Variants in ATRN observed in about 807,000 individuals in gnomAD.
The protein encoded by ATRN is attractin-2.
Under a neutral mutation model 178.7 loss-of-function variants are expected in ATRN, and 54 were observed. The ratio of observed to expected loss-of-function variants is 0.30; its 90% CI spans 0.24 to 0.38. ATRN has a LOEUF of 0.38. Among genes scored for constraint, ATRN ranks in the 10% least tolerant of loss-of-function variants. ATRN has a pLI of 1.00. For missense variants in ATRN, 1,443 were observed against 1,815.1 expected (o/e 0.79, Z 3.73); for synonymous variants, 636 against 663.0 (o/e 0.96, Z 0.63).
intron 28 of ATRN, among the ~76,000 whole-genome samples, chr20:3,646,469 A>AT (rs1350635030): frequency 6.6e-6 from 1 of 152,152 alleles, no homozygotes; most frequent in African/African-American, 2.4e-5. Context: ...TTGTATTTGC[A>AT]TAAGTATACC....
intron 28 of ATRN, among the ~76,000 whole-genome samples, chr20:3,646,011 A>G (rs2087105307): frequency 6.6e-6 from 1 of 152,158 alleles, no homozygotes; most frequent in Admixed American, 6.5e-5. Context: ...GGTAGTTGCT[A>G]TTGATCGTGG....
chr20:3,554,155 A>G lies in ATRN; in HGVS notation c.1112+4817A>G, dbSNP rs6051945. ...GAGCCACATTGTTTTTTAGATCATA[A>G]CTTTTTTTTTCTACTGATCAAAACA... On this transcript the variant is annotated intron_variant, in intron 6 of 28. Transcript: ENST00000262919. Among the ~76,000 whole-genome samples, 14 of 152,022 alleles carry G rather than the reference A, an allele frequency of 9.2e-5. 2 individuals are homozygous for G. Among genetic ancestry groups the G allele is most frequent in the African/African-American group, 3.4e-4 (14 of 41,494 alleles).
chr20:3,558,646 T>A (rs2085910845), intron 6 of ATRN, among the ~76,000 whole-genome samples: 1 of 152,040 alleles, frequency 6.6e-6, no homozygotes, highest in African/African-American at 2.4e-5. Flanking sequence ...TGATATTTAT[T>A]TCTAGATCAT....
chr20:3,621,894 GAGAC>G (rs969906332), intron 24 of ATRN, among the ~76,000 whole-genome samples: 26 of 152,034 alleles, frequency 1.7e-4, no homozygotes, highest in African/African-American at 5.3e-4. Context: ...TGAGTTCTGT[GAGAC>G]AGATCATTAT....
chr20:3,490,711 A>G, intron 1 of ATRN: 1 of 801,342 alleles, frequency 1.2e-6, no homozygotes, highest in African/African-American at 1.7e-5. Context: ...ATTGGCACAC[A>G]GATCTCATTT....
intron 11 of ATRN, among the ~76,000 whole-genome samples, chr20:3,567,814 C>T (rs868695671): frequency 5.6e-4 from 85 of 152,180 alleles, no homozygotes; most frequent in Middle Eastern, 6.8e-3. Context: ...GTTGCCTGCT[C>T]CATGTGTCTC....
At chr20:3,576,679 ATCTGTCTG>A (rs369364158) in intron 13 of ATRN, among the ~76,000 whole-genome samples, 172 bp from the exon 14 acceptor site, 6 of 142,220 alleles carry the variant, frequency 4.2e-5, no homozygotes, top group African/African-American at 1.6e-4. Flanking sequence ...TTATCTATCT[ATCTGTCTG>A]TCTGTCTGTC....
At chr20:3,596,347 C>T (rs1312388781) in intron 20 of ATRN, 30 bp from the exon 21 acceptor site, 4 of 1,588,696 alleles carry the variant, frequency 2.5e-6, no homozygotes, top group Non-Finnish European at 3.5e-6. Context: ...TTTTAAATAG[C>T]AGTATAAAAT....
chr20:3,528,060 A>C (rs1020428611), intron 1 of ATRN, among the ~76,000 whole-genome samples: 1 of 151,964 alleles, frequency 6.6e-6, no homozygotes, highest in Non-Finnish European at 1.5e-5. Flanking sequence ...CCAGAACTTA[A>C]AGTATAAAAA....
chr20:3,492,854 G>GGCGCGC (rs144765964), intron 1 of ATRN, among the ~76,000 whole-genome samples: 9 of 132,460 alleles, frequency 6.8e-5, no homozygotes, highest in African/African-American at 2.4e-4. Flanking sequence ...GAGAGAGAGA[G>GGCGCGC]GCGCGCGCGC....
intron 1 of ATRN, among the ~76,000 whole-genome samples, chr20:3,534,471 A>G (rs947517079): frequency 6.6e-6 from 1 of 152,182 alleles, no homozygotes. Context: ...GTTGATGCAG[A>G]TGAGTGGAAG....
Position 3,647,080 on chromosome 20 carries a change from T to G in ATRN, c.*233T>G. On this transcript the variant is annotated 3_prime_UTR_variant, in exon 29 of 29. Coordinates refer to ENST00000262919, the MANE Select transcript of ATRN (RefSeq NM_139321.3). ...AGGAAATACTTGATTTAATTACAGG[T>G]CCAGGGATGAGCTGATGGTTGCTGG... is the stretch of plus-strand genomic sequence containing the variant. The G allele has an allele frequency of 2.2e-6, 1 of 457,088 alleles. No homozygotes were observed. Among genetic ancestry groups the G allele is most frequent in the Non-Finnish European group, 3.7e-6 (1 of 266,804 alleles). 28.3% of individuals were successfully genotyped at this position (457,088 alleles called of 1,614,324 possible).
chr20:3,632,762 G>A lies in ATRN; in HGVS notation c.3864-1549G>A, dbSNP rs1221369165. On this transcript the variant is annotated intron_variant, in intron 25 of 28. Transcript: ENST00000262919. This position sits in a 1 kb window ranked among gnomAD's most constrained non-coding sequence, Gnocchi z 4.2. ...ACTGTTTGTCTCCACCTGCTGGAATGTAAATTCCATGGGACAGTAATCTTT... is the reference window on the plus strand; with the variant it reads ...ACTGTTTGTCTCCACCTGCTGGAATATAAATTCCATGGGACAGTAATCTTT... Among the ~76,000 whole-genome samples, 1 of 152,202 alleles carries A rather than the reference G, an allele frequency of 6.6e-6. No individual in the cohort carries two copies.
At chr20:3,593,964 C>A (rs1325111683) in intron 19 of ATRN, among the ~76,000 whole-genome samples, 3 of 152,054 alleles carry the variant, frequency 2.0e-5, no homozygotes, top group Non-Finnish European at 4.4e-5. Flanking sequence ...TCCTGAGGGC[C>A]CCTAAAGCGC....
intron 8 of ATRN, 54 bp from the exon 9 acceptor site, chr20:3,562,222 G>A: frequency 6.8e-7 from 1 of 1,462,832 alleles, no homozygotes; most frequent in Non-Finnish European, 9.4e-7. Flanking sequence ...GACATTTTCA[G>A]TAGTAGAGAG....
chr20:3,556,775 C>T (rs1207274044), intron 6 of ATRN, among the ~76,000 whole-genome samples: 4 of 151,980 alleles, frequency 2.6e-5, no homozygotes, highest in Non-Finnish European at 5.9e-5. Context: ...GCATCAGTAT[C>T]GTTCTTGTCT....
chr20:3,549,344 T>C lies in ATRN; in HGVS notation c.1112+6T>C, dbSNP rs1374300293. The C allele has an allele frequency of 9.2e-6, 14 of 1,523,116 alleles. No individual in the cohort carries two copies. The highest frequency in any genetic ancestry group is 1.2e-5 in the Non-Finnish European group (14 of 1,143,162). 94.4% of individuals were successfully genotyped at this position (1,523,116 alleles called of 1,614,324 possible). On this transcript the variant is annotated splice_donor_region_variant and intron_variant, in intron 6 of 28. Coordinates refer to ENST00000262919, the MANE Select transcript of ATRN (RefSeq NM_139321.3). ...GATTATAACATGGTTCTAGCGTAAG[T>C]CGTTTTAAACATTTTTGCAAGAAGC...
chr20:3,555,612 C>T (rs2085866495), intron 6 of ATRN, among the ~76,000 whole-genome samples: 1 of 152,186 alleles, frequency 6.6e-6, no homozygotes, highest in African/African-American at 2.4e-5. Context: ...ACAGACTGCA[C>T]TCTCATCTGA....
At chr20:3,621,796 T>G (rs1482198455) in intron 24 of ATRN, among the ~76,000 whole-genome samples, 2 of 152,056 alleles carry the variant, frequency 1.3e-5, no homozygotes, top group Non-Finnish European at 2.9e-5. Context: ...AATTTTAGAG[T>G]TAACAACATT....
Sources: allele counts gnomAD v4.1 joint callset (sites outside exome capture counted in the v4.1 genomes callset), GRCh38; gene constraint gnomAD v4.1.1; non-coding constraint Gnocchi (gnomAD v3.1); transcripts MANE v1.5; gene names NCBI Gene and HGNC (gene_info 2026-07-23, HGNC 2026-07-21).